CBLB: variants seen among roughly 807,000 people sequenced by gnomAD.
CBLB encodes the protein Cbl proto-oncogene B.
Under a neutral mutation model 104.9 loss-of-function variants are expected in CBLB, and 31 were observed. The ratio of observed to expected loss-of-function variants is 0.30; its 90% CI spans 0.22 to 0.40. The LOEUF is 0.40. Among genes scored for constraint, CBLB ranks in the 10% least tolerant of loss-of-function variants. The pLI is 1.00. For synonymous variants in CBLB, 440 were observed against 422.6 expected, an observed-to-expected ratio of 1.04 and a Z score of -0.51; for missense variants, 1,062 against 1,214.6, an observed-to-expected ratio of 0.87 and a Z score of 1.87.
Position 105,810,554 on chromosome 3 carries a change from TC to T in CBLB, c.420-34013del, listed in dbSNP as rs1020701888. Reference sequence around the variant, plus strand: ...TAGCTAAACTTCATAAGACTTTAATTCTAAACCTCAAAATAAAAAATCAAAG... The same window carrying T: ...TAGCTAAACTTCATAAGACTTTAATTTAAACCTCAAAATAAAAAATCAAAG... On this transcript the variant is annotated intron_variant, in intron 3 of 18. Transcript: ENST00000394030. Among the ~76,000 whole-genome samples the T allele has an allele frequency of 9.5e-4, 144 of 152,200 alleles. 1 individual carries two copies. The highest frequency in any genetic ancestry group is 3.4e-3 in the African/African-American group (143 of 41,552).
At chr3:105,869,339 A>G, upstream of CBLB, 5 of 1,328,404 alleles carry the variant, frequency 3.8e-6, no homozygotes, top group Middle Eastern at 2.0e-4. Context: ...GAGCTAACCA[A>G]TAAGGGGTGG....
chr3:105,852,996 C>T (rs1186768673), intron 3 of CBLB, among the ~76,000 whole-genome samples: 1 of 152,176 alleles, frequency 6.6e-6, no homozygotes, highest in Non-Finnish European at 1.5e-5. Flanking sequence ...GGATTACAGG[C>T]ATGACCCACC....
chr3:105,690,741 G>GA (rs1290168317), intron 13 of CBLB, among the ~76,000 whole-genome samples: 2 of 150,792 alleles, frequency 1.3e-5, no homozygotes, highest in Non-Finnish European at 2.9e-5. Context: ...AGAACCGCTT[G>GA]AACCCAGGAG....
At chr3:105,779,553 C>G (rs1328696863) in intron 3 of CBLB, among the ~76,000 whole-genome samples, 1 of 151,924 alleles carries the variant, frequency 6.6e-6, no homozygotes, top group Admixed American at 6.6e-5. Context: ...TACTTATACA[C>G]TCACACACAC....
At chr3:105,741,871 T>G (rs2152883917) in intron 6 of CBLB, among the ~76,000 whole-genome samples, 1 of 152,330 alleles carries the variant, frequency 6.6e-6, no homozygotes, top group East Asian at 1.9e-4. Context: ...CATTCATCCC[T>G]AAAGCTCAAA....
At chr3:105,808,306 A>T (rs2083790719) in intron 3 of CBLB, among the ~76,000 whole-genome samples, 1 of 152,212 alleles carries the variant, frequency 6.6e-6, no homozygotes, top group African/African-American at 2.4e-5. Context: ...ACAAAAACTT[A>T]TAAAAGATCT....
intron 2 of CBLB, among the ~76,000 whole-genome samples, chr3:105,866,589 C>T (rs989228990): frequency 6.6e-6 from 1 of 152,182 alleles, no homozygotes; most frequent in Non-Finnish European, 1.5e-5. Context: ...CAGCAAGCTA[C>T]ATCTTAAATT....
chr3:105,735,690 C>A (rs1315647312), intron 8 of CBLB, among the ~76,000 whole-genome samples: 2 of 152,168 alleles, frequency 1.3e-5, no homozygotes, highest in East Asian at 3.8e-4. Flanking sequence ...GTGGCTCACG[C>A]CTGTAATCCC....
Position 105,681,580 on chromosome 3 carries a change from A to G in CBLB, c.2327T>C (p.Val776Ala). The G allele has an allele frequency of 6.2e-7, 1 of 1,614,152 alleles. No homozygotes were observed. Among genetic ancestry groups the G allele is most frequent in the Non-Finnish European group, 8.5e-7 (1 of 1,179,990 alleles). ...GDVFDSASDP[V>A]PLPPARPPTR... Reference sequence around the variant, plus strand: ...TGGAGGCCTGGCAGGTGGTAATGGCACGGGATCAGAGGCTGAATCAAAAAC... The same window carrying G: ...TGGAGGCCTGGCAGGTGGTAATGGCGCGGGATCAGAGGCTGAATCAAAAAC... Residue 776 changes from valine to alanine, a missense_variant, in exon 16 of 19, where the codon GTG (valine) becomes GCG (alanine). This residue lies in a region of CBLB where 605 missense variants were observed against 582.6 expected (regional missense o/e 1.04). Coordinates refer to ENST00000394030, the MANE Select transcript of CBLB (RefSeq NM_170662.5).
In CBLB at chr3:105,760,695, G is replaced by A. The variant is rs2077535691; in HGVS notation, c.567-9077C>T. Among the ~76,000 whole-genome samples, 5 of 151,794 alleles carry A rather than the reference G, an allele frequency of 3.3e-5. No homozygotes were observed. The South Asian group carries it at 1.0e-3, about 32-fold the overall frequency. ...TGAGCCAATTAAATTAACAACCAAT[G>A]AGTGAAGTCTCCTAGATGTATAAGA... On this transcript the variant is annotated intron_variant, in intron 4 of 18. Coordinates refer to ENST00000394030, the MANE Select transcript of CBLB (RefSeq NM_170662.5).
chr3:105,664,194 A>G (rs980094802), intron 18 of CBLB, among the ~76,000 whole-genome samples: 1 of 152,210 alleles, frequency 6.6e-6, no homozygotes, highest in Non-Finnish European at 1.5e-5. Context: ...CATGTTCAAC[A>G]ATAAATATAA....
chr3:105,714,444 A>G (rs1178470653), intron 10 of CBLB, among the ~76,000 whole-genome samples: 1 of 152,136 alleles, frequency 6.6e-6, no homozygotes, highest in Non-Finnish European at 1.5e-5. Flanking sequence ...TTTTCCTTCA[A>G]CTAGACAGTC....
chr3:105,797,333 CA>C (rs1161732334), intron 3 of CBLB, among the ~76,000 whole-genome samples: 1 of 152,098 alleles, frequency 6.6e-6, no homozygotes, highest in African/African-American at 2.4e-5. Context: ...AATGTAGGAG[CA>C]AAAAACCAAA....
chr3:105,698,625 A>AAAAC (rs2068696174), intron 12 of CBLB, among the ~76,000 whole-genome samples: 1 of 151,218 alleles, frequency 6.6e-6, no homozygotes, highest in African/African-American at 2.4e-5. Context: ...AAAAAAAAAA[A>AAAAC]AGCGCATTTG....
intron 4 of CBLB, among the ~76,000 whole-genome samples, chr3:105,772,060 TCACCAAAGCAATA>T (rs146695239): frequency 0.067 from 10,186 of 152,088 alleles, 504 homozygotes; most frequent in Admixed American, 0.15. Flanking sequence ...AGAGACCATA[TCACCAAAGCAATA>T]CTAAGCGAAA....
At chr3:105,720,372 G>C in intron 9 of CBLB, 122 bp from the exon 10 acceptor site, 1 of 849,478 alleles carries the variant, frequency 1.2e-6, no homozygotes, top group Non-Finnish European at 1.9e-6. Context: ...GTAGGAGGTG[G>C]GGGAAGATTT....
intron 9 of CBLB, among the ~76,000 whole-genome samples, chr3:105,724,648 C>T (rs2073349232): frequency 1.3e-5 from 2 of 152,064 alleles, no homozygotes; most frequent in African/African-American, 4.8e-5. Context: ...TTTGAAAAAA[C>T]TCGTATCTCT....
chr3:105,839,136 T>C (rs1366071620), intron 3 of CBLB, among the ~76,000 whole-genome samples: 1 of 152,166 alleles, frequency 6.6e-6, no homozygotes, highest in Non-Finnish European at 1.5e-5. Context: ...TTTACCAATA[T>C]ATGTGCAGAT....
rs1169693021 is a variant in CBLB, at chr3:105,864,633, TTC to T, written c.168+2775_168+2776del. On this transcript the variant is annotated intron_variant, in intron 2 of 18. Coordinates refer to ENST00000394030, the MANE Select transcript of CBLB (RefSeq NM_170662.5). ...CTATGCTAACTCTGTGCTACTGATT[TTC>T]TGTTACAAAACACTCTACATCTTAT... 3.9e-5 allele frequency among the ~76,000 whole-genome samples: 6 copies of T among 152,196 alleles called. No homozygotes were observed. In the South Asian group the frequency reaches 6.2e-4, roughly 16 times the overall value.
Sources: gnomAD v4.1 joint callset for allele counts (sites outside exome capture counted in the v4.1 genomes callset) on GRCh38, gnomAD v4.1.1 for gene constraint, gnomAD v4.1.1 regional missense constraint, MANE v1.5 for transcripts, NCBI Gene and HGNC (gene_info 2026-07-23, HGNC 2026-07-21) for gene names.